TNFSF4: variants seen among roughly 807,000 people sequenced by gnomAD.
TNFSF4 encodes TNF superfamily member 4.
TNFSF4 carries 4 observed loss-of-function variants against 7.3 expected under a neutral mutation model. That is an observed-to-expected ratio of 0.55 (90% CI 0.27 to 1.25). The LOEUF is 1.25. TNFSF4 is among the 50% of genes most tolerant of loss of function. The pLI is 0.12. For missense variants in TNFSF4, 181 were observed against 208.8 expected (o/e 0.87, Z 0.82); for synonymous variants, 76 against 83.7 (o/e 0.91, Z 0.50).
At chr1:173,207,736 C>A (rs1650252007), upstream of TNFSF4, among the ~76,000 whole-genome samples, 1 of 152,074 alleles carries the variant, frequency 6.6e-6, no homozygotes. Context: ...AGAAAGAAAG[C>A]ACACACAGAT....
the TNFSF4 span, among the ~76,000 whole-genome samples, chr1:173,215,783 T>C: frequency 6.6e-6 from 1 of 152,182 alleles, no homozygotes; most frequent in Non-Finnish European, 1.5e-5. Context: ...GTTTTAAAAT[T>C]GCCTCAAATC....
At chr1:173,318,543 C>A in the TNFSF4 span, among the ~76,000 whole-genome samples, 1 of 152,062 alleles carries the variant, frequency 6.6e-6, no homozygotes, top group African/African-American at 2.4e-5. Flanking sequence ...AAATGATCAA[C>A]AAAATATACT....
At chr1:173,318,741 A>C in the TNFSF4 span, among the ~76,000 whole-genome samples, 1 of 152,204 alleles carries the variant, frequency 6.6e-6, no homozygotes, top group Non-Finnish European at 1.5e-5. Context: ...AAGACTTAAA[A>C]ATGTTTTGTA....
chr1:173,346,154 C>T, the TNFSF4 span, among the ~76,000 whole-genome samples: 6 of 152,156 alleles, frequency 3.9e-5, no homozygotes, highest in Non-Finnish European at 7.3e-5. Flanking sequence ...ACTGATGATT[C>T]GCTCATCCCC....
the TNFSF4 span, among the ~76,000 whole-genome samples, chr1:173,290,914 T>C: frequency 1.3e-5 from 2 of 152,162 alleles, no homozygotes; most frequent in East Asian, 3.9e-4. Flanking sequence ...AAGAAAGTAA[T>C]ACCAACAAGC....
the TNFSF4 span, among the ~76,000 whole-genome samples, chr1:173,278,693 AAATT>A: frequency 6.6e-6 from 1 of 152,110 alleles, no homozygotes; most frequent in Non-Finnish European, 1.5e-5. Flanking sequence ...CGATGTTTCA[AAATT>A]AATTAGAGGA....
At chr1:173,349,040 T>A in the TNFSF4 span, among the ~76,000 whole-genome samples, 45 of 151,600 alleles carry the variant, frequency 3.0e-4, 1 homozygote, top group Admixed American at 2.9e-3. Context: ...ATTATTATTA[T>A]TTTTTTTAGA....
At chr1:173,299,603 C>T in the TNFSF4 span, among the ~76,000 whole-genome samples, 1 of 151,866 alleles carries the variant, frequency 6.6e-6, no homozygotes, top group Admixed American at 6.6e-5. Context: ...GCAAAAGATC[C>T]ACAGGAGGTA....
the TNFSF4 span, among the ~76,000 whole-genome samples, chr1:173,425,177 A>G: frequency 1.3e-5 from 2 of 152,062 alleles, no homozygotes; most frequent in African/African-American, 4.8e-5. Context: ...GTATTTTTTT[A>G]TAGGTTGTGA....
the TNFSF4 span, among the ~76,000 whole-genome samples, chr1:173,262,853 G>T: frequency 0.019 from 2,820 of 152,198 alleles, 72 homozygotes; most frequent in African/African-American, 0.064. Context: ...GCCCGTCTCG[G>T]CCTCCTAAAG....
the TNFSF4 span, among the ~76,000 whole-genome samples, chr1:173,310,326 T>C: frequency 6.6e-6 from 1 of 151,982 alleles, no homozygotes; most frequent in Non-Finnish European, 1.5e-5. Context: ...GGGTACCACA[T>C]GTTTTGATAT....
At chr1:173,358,832 T>C in the TNFSF4 span, among the ~76,000 whole-genome samples, 1 of 152,222 alleles carries the variant, frequency 6.6e-6, no homozygotes, top group Non-Finnish European at 1.5e-5. Flanking sequence ...TCATTCCTGT[T>C]ATACAAGGCA....
At chr1:173,247,558 T>C in the TNFSF4 span, among the ~76,000 whole-genome samples, 1 of 152,200 alleles carries the variant, frequency 6.6e-6, no homozygotes, top group Non-Finnish European at 1.5e-5. Flanking sequence ...ATTCATCTTT[T>C]CTCTATTTCA....
At chr1:173,362,450 A>G in the TNFSF4 span, 5 of 505,152 alleles carry the variant, frequency 9.9e-6, no homozygotes, top group Admixed American at 4.5e-5. Flanking sequence ...GTAGCTTTTA[A>G]TTCCTTCTTC....
chr1:173,309,060 T>C, the TNFSF4 span, among the ~76,000 whole-genome samples: 2 of 151,984 alleles, frequency 1.3e-5, no homozygotes, highest in Non-Finnish European at 2.9e-5. Context: ...GAAGATCTTA[T>C]GGGGTGGGGC....
chr1:173,446,471 G>A, the TNFSF4 span, among the ~76,000 whole-genome samples: 1 of 152,194 alleles, frequency 6.6e-6, no homozygotes, highest in Non-Finnish European at 1.5e-5. Context: ...TAAATAAACT[G>A]TGTGTAATGG....
chr1:173,415,646 G>A, the TNFSF4 span, among the ~76,000 whole-genome samples: 6 of 152,210 alleles, frequency 3.9e-5, no homozygotes, highest in East Asian at 7.7e-4. Flanking sequence ...GCTCTGCGAC[G>A]TTAGGCAAAT....
the TNFSF4 span, among the ~76,000 whole-genome samples, chr1:173,227,801 G>A: frequency 5.3e-5 from 8 of 152,332 alleles, no homozygotes; most frequent in Admixed American, 2.0e-4. Flanking sequence ...CCCACGCATG[G>A]CTTGGAGGGT....
chr1:173,265,260 G>A, the TNFSF4 span, among the ~76,000 whole-genome samples: 1 of 152,148 alleles, frequency 6.6e-6, no homozygotes, highest in Non-Finnish European at 1.5e-5. Context: ...CTATAGCCGG[G>A]CAGTGGAATA....
Sources: gnomAD v4.1 joint callset for allele counts (sites outside exome capture counted in the v4.1 genomes callset) on GRCh38, gnomAD v4.1.1 for gene constraint, MANE v1.5 for transcripts, NCBI Gene and HGNC (gene_info 2026-07-23, HGNC 2026-07-21) for gene names.